The following CD82 variants were observed in gnomAD, a reference collection of about 807,000 sequenced individuals.
The protein encoded by CD82 is CD82 antigen.
Under a neutral mutation model 37.4 loss-of-function variants are expected in CD82, and 36 were observed. The ratio of observed to expected loss-of-function variants is 0.96; its 90% CI spans 0.74 to 1.27. CD82 has a LOEUF of 1.27. Ranked by LOEUF, CD82 falls within the 50% of genes most tolerant of loss-of-function variation. The pLI is 0.00. For missense variants in CD82, 340 were observed against 347.0 expected (o/e 0.98, Z 0.16); for synonymous variants, 158 against 137.4 (o/e 1.15, Z -1.05).
chr11:44,568,467 G>C (rs1022556380), intron 1 of CD82, among the ~76,000 whole-genome samples: 1 of 150,860 alleles, frequency 6.6e-6, no homozygotes, highest in Admixed American at 6.6e-5. Flanking sequence ...ATGAAGGGGA[G>C]GCATCTGGGC....
intron 1 of CD82, among the ~76,000 whole-genome samples, chr11:44,583,411 C>T (rs942959548): frequency 6.6e-5 from 10 of 152,210 alleles, no homozygotes; most frequent in African/African-American, 1.9e-4. Context: ...AGAAGGGCCA[C>T]ATCTGTCAGT....
At chr11:44,591,358 T>C (rs934302879) in intron 2 of CD82, among the ~76,000 whole-genome samples, 1 of 152,176 alleles carries the variant, frequency 6.6e-6, no homozygotes, top group African/African-American at 2.4e-5. Context: ...CAGTGCCTGA[T>C]ACAATCTGTG....
rs371497237 is a variant in CD82, at chr11:44,618,706, G to T, written c.709G>T (p.Gly237Cys). 12 of 1,613,334 alleles carry T rather than the reference G, an allele frequency of 7.4e-6. No homozygotes were observed. In the Admixed American group the frequency reaches 1.7e-4, roughly 22 times the overall value. The change falls in exon 9 of 10, where the codon GGT (glycine) becomes TGT (cysteine). Residue 237 changes from glycine (G) to cysteine (C), a missense_variant. Gly to Cys is a radical substitution (Grantham distance 159, BLOSUM62 -3). Coordinates refer to ENST00000227155, the MANE Select transcript of CD82 (RefSeq NM_002231.4). ...GGGCATCATCCTCGGCGTGGGCGTG[G>T]GTGTGGCCATCATCGAGGTCTGAGC... ...NLGIILGVGVGVAIIELLGMV... is the reference protein window; with the variant it reads ...NLGIILGVGVCVAIIELLGMV...
At chr11:44,586,010 C>A (rs1035375157) in intron 1 of CD82, among the ~76,000 whole-genome samples, 4 of 152,198 alleles carry the variant, frequency 2.6e-5, no homozygotes, top group African/African-American at 9.7e-5. Context: ...CAGATTCTCC[C>A]TGGCCAGGCG....
At chr11:44,599,143 A>AT (rs1424643641) in intron 3 of CD82, among the ~76,000 whole-genome samples, 1 of 151,668 alleles carries the variant, frequency 6.6e-6, no homozygotes, top group Non-Finnish European at 1.5e-5. Context: ...CACCTCATTC[A>AT]TTTTTTCCTT....
chr11:44,576,577 G>A (rs1380103120), intron 1 of CD82, among the ~76,000 whole-genome samples: 1 of 152,150 alleles, frequency 6.6e-6, no homozygotes, highest in Admixed American at 6.5e-5. Context: ...AGCTCTCTTG[G>A]GATTCAGGGT....
intron 2 of CD82, among the ~76,000 whole-genome samples, chr11:44,589,488 A>G (rs1234017518): frequency 6.6e-6 from 1 of 152,230 alleles, no homozygotes; most frequent in Non-Finnish European, 1.5e-5. Context: ...ATCATCTGTA[A>G]ATTAAATCCT....
chr11:44,592,724 C>T (rs1398341021), intron 2 of CD82, among the ~76,000 whole-genome samples: 1 of 152,222 alleles, frequency 6.6e-6, no homozygotes, highest in African/African-American at 2.4e-5. Flanking sequence ...CATGTTTTCT[C>T]CTCTCTAGGT....
chr11:44,595,887 T>C (rs1328946667), intron 3 of CD82, among the ~76,000 whole-genome samples: 15 of 93,746 alleles, frequency 1.6e-4, no homozygotes, highest in African/African-American at 6.9e-4. Flanking sequence ...TTGGGCAACA[T>C]AGCAAGACCC....
At chr11:44,583,618 T>A (rs1487469853) in intron 1 of CD82, among the ~76,000 whole-genome samples, 1 of 152,222 alleles carries the variant, frequency 6.6e-6, no homozygotes, top group East Asian at 1.9e-4. Flanking sequence ...CAGGTGAAGA[T>A]GAAAGAGCTT....
chr11:44,600,053 T>C, intron 3 of CD82, 105 bp from the exon 4 acceptor site: 1 of 1,089,652 alleles, frequency 9.2e-7, no homozygotes, highest in Admixed American at 1.8e-5. Flanking sequence ...TGGTGCCCTC[T>C]GTGGCCCCCT....
intron 2 of CD82, among the ~76,000 whole-genome samples, chr11:44,590,668 A>G (rs888199008): frequency 1.3e-5 from 2 of 150,852 alleles, no homozygotes; most frequent in Non-Finnish European, 3.0e-5. Context: ...TGTATAAAAA[A>G]CAGGCAGGGG....
intron 2 of CD82, among the ~76,000 whole-genome samples, chr11:44,589,802 C>A (rs548036933): frequency 8.5e-5 from 13 of 152,174 alleles, no homozygotes; most frequent in Admixed American, 7.9e-4. Context: ...CCAAAGTTCC[C>A]GTGCTAAGGG....
chr11:44,616,679 T>C (rs1038479505), intron 7 of CD82, among the ~76,000 whole-genome samples: 1 of 152,214 alleles, frequency 6.6e-6, no homozygotes, highest in African/African-American at 2.4e-5. Flanking sequence ...TGAGATACAT[T>C]GTTAAAGCCT....
chr11:44,584,000 CT>C (rs1196215635), intron 1 of CD82, among the ~76,000 whole-genome samples: 1 of 152,176 alleles, frequency 6.6e-6, no homozygotes, highest in African/African-American at 2.4e-5. Context: ...ACTTTGGGCT[CT>C]GAAATCCTGT....
At chr11:44,612,731 C>A (rs1177739280) in intron 6 of CD82, among the ~76,000 whole-genome samples, 4 of 140,886 alleles carry the variant, frequency 2.8e-5, no homozygotes, top group African/African-American at 1.0e-4. Flanking sequence ...CTCTCGGGTT[C>A]AAGCGATTCT....
chr11:44,601,586 G>A (rs376283444), intron 4 of CD82, among the ~76,000 whole-genome samples: 6 of 152,176 alleles, frequency 3.9e-5, no homozygotes, highest in South Asian at 4.1e-4. Flanking sequence ...TGCCCTCTGC[G>A]CCCTGCCCTG....
intron 2 of CD82, among the ~76,000 whole-genome samples, chr11:44,593,282 T>C (rs1853171728): frequency 6.6e-6 from 1 of 152,254 alleles, no homozygotes; most frequent in Admixed American, 6.5e-5. Context: ...TCCTTTCCCT[T>C]TGCTCTGTGG....
intron 2 of CD82, among the ~76,000 whole-genome samples, chr11:44,588,578 G>T (rs944510550): frequency 3.9e-5 from 6 of 152,204 alleles, no homozygotes; most frequent in African/African-American, 1.4e-4. Flanking sequence ...GGCTCAGAGA[G>T]GTTAAGTCAC....
Sources: gnomAD v4.1 joint callset for allele counts (sites outside exome capture counted in the v4.1 genomes callset) on GRCh38, gnomAD v4.1.1 for gene constraint, MANE v1.5 for transcripts, NCBI Gene and HGNC (gene_info 2026-07-23, HGNC 2026-07-21) for gene names.